The following RAPGEF1 variants were observed in gnomAD, a reference collection of about 807,000 sequenced individuals.
The protein encoded by RAPGEF1 is CRK SH3-binding GNRP.
Under a neutral mutation model 143.3 loss-of-function variants are expected in RAPGEF1, and 33 were observed. The observed-to-expected ratio is 0.23, with a 90% CI of 0.17 to 0.31. The LOEUF is 0.31. Among genes scored for constraint, RAPGEF1 ranks in the 10% least tolerant of loss-of-function variants. The pLI is 1.00. For synonymous variants in RAPGEF1, 629 were observed against 676.5 expected (o/e 0.93, Z 1.09); for missense variants, 1,199 against 1,645.4 (o/e 0.73, Z 4.69).
At chr9:131,706,433 T>C (rs951207450) in intron 1 of RAPGEF1, among the ~76,000 whole-genome samples, 14 of 152,102 alleles carry the variant, frequency 9.2e-5, no homozygotes, top group African/African-American at 2.9e-4. Context: ...TGGTTAATTT[T>C]TTGTATTTTT....
At chr9:131,733,668 G>A (rs373644606) in intron 1 of RAPGEF1, among the ~76,000 whole-genome samples, 8 of 152,154 alleles carry the variant, frequency 5.3e-5, no homozygotes, top group East Asian at 3.9e-4. Context: ...CACCTGTCCC[G>A]GCGGCGAGGC....
At chr9:131,618,928 T>C (rs891439919) in intron 12 of RAPGEF1, 123 bp downstream of exon 12, 5 of 793,980 alleles carry the variant, frequency 6.3e-6, no homozygotes, top group Non-Finnish European at 9.1e-6. Flanking sequence ...CCCATCTAGG[T>C]GTAGGGACCC....
At chr9:131,731,776 C>T (rs1837090997) in intron 1 of RAPGEF1, among the ~76,000 whole-genome samples, 1 of 152,218 alleles carries the variant, frequency 6.6e-6, no homozygotes, top group Admixed American at 6.5e-5. Context: ...GATCACAAAA[C>T]TTAATATGCA....
chr9:131,707,809 A>G (rs1835189563), intron 1 of RAPGEF1, among the ~76,000 whole-genome samples: 1 of 152,352 alleles, frequency 6.6e-6, no homozygotes, highest in East Asian at 1.9e-4. Flanking sequence ...AGAGTAAATT[A>G]TAGATAGCAT....
intron 9 of RAPGEF1, 87 bp downstream of exon 9, chr9:131,627,826 G>T (rs1564565613): frequency 7.2e-7 from 1 of 1,383,028 alleles, no homozygotes; most frequent in Non-Finnish European, 9.8e-7. Context: ...GTCAATGATT[G>T]CATGACCTGG....
chr9:131,588,101 C>T (rs1021373208), intron 20 of RAPGEF1, 75 bp from the exon 21 acceptor site: 15 of 1,287,692 alleles, frequency 1.2e-5, no homozygotes, highest in Admixed American at 5.8e-5. Context: ...GCCCGGGCTG[C>T]GGGCGTCAGA....
chr9:131,619,654 G>A (rs2132813133), intron 11 of RAPGEF1, among the ~76,000 whole-genome samples: 1 of 152,322 alleles, frequency 6.6e-6, no homozygotes, highest in Non-Finnish European at 1.5e-5. Flanking sequence ...AGGTCTCCGT[G>A]CCTCAGGTTT....
chr9:131,604,171 C>G (rs1956735242), intron 13 of RAPGEF1, 118 bp from the exon 14 acceptor site: 1 of 505,058 alleles, frequency 2.0e-6, no homozygotes, highest in African/African-American at 2.0e-5. Flanking sequence ...GAGAGCAAAG[C>G]TGCTTTTGCC....
At chr9:131,611,619 C>T (rs1186644660) in intron 12 of RAPGEF1, among the ~76,000 whole-genome samples, 1 of 152,162 alleles carries the variant, frequency 6.6e-6, no homozygotes, top group Non-Finnish European at 1.5e-5. Flanking sequence ...AGATTTAGTA[C>T]AGACTGAAAA....
At chr9:131,591,129 G>A (rs1236341051) in intron 18 of RAPGEF1, among the ~76,000 whole-genome samples, 1 of 152,272 alleles carries the variant, frequency 6.6e-6, no homozygotes, top group Non-Finnish European at 1.5e-5. Context: ...GGTGCTCTGA[G>A]TAACAGAACT....
chr9:131,589,507 C>T (rs992089595), intron 19 of RAPGEF1, among the ~76,000 whole-genome samples: 2 of 152,242 alleles, frequency 1.3e-5, no homozygotes, highest in African/African-American at 4.8e-5. Flanking sequence ...GTCAGATGGC[C>T]AGCCATGGAA....
chr9:131,634,476 G>C (rs1965780724), intron 5 of RAPGEF1, among the ~76,000 whole-genome samples: 1 of 152,050 alleles, frequency 6.6e-6, no homozygotes, highest in Admixed American at 6.5e-5. Context: ...ACTTTGGGAG[G>C]CCTAGGTGGG....
At position 131,621,745 on chromosome 9, in the gene RAPGEF1, A is replaced by C; in HGVS notation, c.1905+51T>G. The stretch of plus-strand genomic sequence containing the variant: ...CCCAAGGAGGGTCATTCTGGTTCCT[A>C]GAGACCTGCTAGGATCGGAAGTTCT... On this transcript the variant is annotated intron_variant, in intron 11 of 26. Coordinates refer to ENST00000683357, the MANE Select transcript of RAPGEF1 (RefSeq NM_001377935.1). The surrounding 1 kb of genome is among the most constrained non-coding windows in gnomAD (Gnocchi z 4.5). 12 of 1,524,300 alleles carry C rather than the reference A, an allele frequency of 7.9e-6. No homozygotes were observed. The highest frequency in any genetic ancestry group is 1.2e-5 in the South Asian group (1 of 84,152). 94.4% of individuals were successfully genotyped at this position (1,524,300 alleles called of 1,614,324 possible).
intron 1 of RAPGEF1, among the ~76,000 whole-genome samples, chr9:131,654,550 A>T (rs1488417707): frequency 6.6e-6 from 1 of 152,102 alleles, no homozygotes; most frequent in Non-Finnish European, 1.5e-5. Context: ...TACCTACAAA[A>T]TATTAGCTGG....
rs374511827 is a variant in RAPGEF1 at position 131,621,899 on chromosome 9, T to C, written c.1802A>G (p.Lys601Arg). 7.4e-6 allele frequency: 12 copies of C among 1,613,570 alleles called. No individual in the cohort carries two copies. The African/African-American group carries it at 1.6e-4, about 22-fold the overall frequency. The part of the protein sequence containing the change: ...QNEHIYQQKN[K>R]LLMEVYGFSD... ...GAAGCCGTATACCTCCATGAGGAGC[T>C]TGTTCTTCTGCTGGTAGATGTGCTC... Residue 601 changes from lysine (K) to arginine (R), a missense_variant, in exon 11 of 27, where the codon AAG becomes AGG. Transcript: ENST00000683357. The surrounding 1 kb of genome is among the most constrained non-coding windows in gnomAD (Gnocchi z 4.5).
Position 131,584,321 on chromosome 9 carries a change from T to A in RAPGEF1, c.3404A>T (p.Gln1135Leu). 1.2e-6 allele frequency: 2 copies of A among 1,611,688 alleles called. No individual in the cohort carries two copies. The highest frequency in any genetic ancestry group is 1.7e-6 in the Non-Finnish European group (2 of 1,178,858). The change falls in exon 24 of 27, where the codon CAG becomes CTG. Residue 1135 changes from glutamine (Q) to leucine (L), a missense_variant. Gln to Leu is a moderately radical substitution (Grantham distance 113). Coordinates refer to ENST00000683357, the MANE Select transcript of RAPGEF1 (RefSeq NM_001377935.1). This position sits in a 1 kb window ranked among gnomAD's most constrained non-coding sequence, Gnocchi z 6.8. ...APIRRLEWQK[Q>L]TSEGLAEYCT... ...CCCAAGGCCACTCACCTCTGAAGTCTGCTTCTGCCACTCCAGCCTGCGGAT... is the reference window on the plus strand; with the variant it reads ...CCCAAGGCCACTCACCTCTGAAGTCAGCTTCTGCCACTCCAGCCTGCGGAT...
chr9:131,699,122 T>C (rs151156236), intron 1 of RAPGEF1, among the ~76,000 whole-genome samples: 1 of 152,220 alleles, frequency 6.6e-6, no homozygotes, highest in Non-Finnish European at 1.5e-5. Flanking sequence ...CCTTAACAAC[T>C]ACCACCTTGT....
chr9:131,709,203 T>C (rs181448422), intron 1 of RAPGEF1, among the ~76,000 whole-genome samples: 31 of 152,186 alleles, frequency 2.0e-4, no homozygotes, highest in Non-Finnish European at 8.8e-5. Flanking sequence ...AAAAATCAGC[T>C]GGGCGTGGTG....
At chr9:131,587,660 T>A in intron 22 of RAPGEF1, 76 bp downstream of exon 22, 2 of 1,374,644 alleles carry the variant, frequency 1.5e-6, no homozygotes, top group Admixed American at 2.0e-5. Context: ...TCAAGCTCCC[T>A]GCAAAGGAAA....
Sources: gnomAD v4.1 joint callset for allele counts (sites outside exome capture counted in the v4.1 genomes callset) on GRCh38, gnomAD v4.1.1 for gene constraint, Gnocchi (gnomAD v3.1) non-coding constraint, MANE v1.5 for transcripts, NCBI Gene and HGNC (gene_info 2026-07-23, HGNC 2026-07-21) for gene names.